TRPM6: variants seen among roughly 807,000 people sequenced by gnomAD.
TRPM6 encodes transient receptor potential cation channel subfamily M member 6.
In TRPM6, 111 loss-of-function variants were observed where a neutral mutation model predicts 247.6. The observed-to-expected ratio is 0.45, with a 90% CI of 0.38 to 0.52. The LOEUF (loss-of-function observed/expected upper bound fraction) is 0.52, where lower values mean the gene tolerates loss of function less well. TRPM6 is among the 20% of genes least tolerant of loss of function. The pLI is 0.00. For synonymous variants in TRPM6, 892 were observed against 853.8 expected, an observed-to-expected ratio of 1.04 and a Z score of -0.78; for missense variants, 2,126 against 2,421.5, an observed-to-expected ratio of 0.88 and a Z score of 2.56.
At chr9:74,730,742 G>A (rs755929692) in intron 37 of TRPM6, among the ~76,000 whole-genome samples, 10 of 152,146 alleles carry the variant, frequency 6.6e-5, no homozygotes, top group Non-Finnish European at 1.0e-4. Context: ...CTTCAGACAC[G>A]TAAGGCATTC....
At position 74,840,108 on chromosome 9, in the gene TRPM6, T is replaced by C; in HGVS notation, c.460A>G (p.Lys154Glu). The C allele has an allele frequency of 6.2e-7, 1 of 1,614,110 alleles. No individual in the cohort carries two copies. Among genetic ancestry groups the C allele is most frequent in the South Asian group, 1.1e-5 (1 of 91,078 alleles). Residue 154 changes from lysine to glutamate, a missense_variant, in exon 5 of 39, where the codon AAA becomes GAA. Physicochemically the swap from Lys to Glu is moderately conservative, Grantham distance 56 (BLOSUM62 1). Coordinates refer to ENST00000360774, the MANE Select transcript of TRPM6 (RefSeq NM_017662.5). ...CCTTGGCTGAAAATCTCTTTAAATTTAGAGGGCATAGTAAAGTTCTGGATG... is the reference window on the plus strand; with the variant it reads ...CCTTGGCTGAAAATCTCTTTAAATTCAGAGGGCATAGTAAAGTTCTGGATG... ...GGIQNFTMPS[K>E]FKEIFSQGLV...
chr9:74,728,892 T>C (rs936383557), intron 37 of TRPM6, among the ~76,000 whole-genome samples: 1 of 152,212 alleles, frequency 6.6e-6, no homozygotes, highest in Admixed American at 6.5e-5. Flanking sequence ...TGCAAACTGC[T>C]AGAGCTGGGC....
intron 25 of TRPM6, among the ~76,000 whole-genome samples, chr9:74,763,852 T>C (rs1165123230): frequency 2.0e-5 from 3 of 152,178 alleles, no homozygotes; most frequent in African/African-American, 2.4e-5. Flanking sequence ...TGCAAGTAAA[T>C]TGAATTAAAT....
chr9:74,745,701 G>A (rs1826022480), intron 31 of TRPM6, among the ~76,000 whole-genome samples: 1 of 152,180 alleles, frequency 6.6e-6, no homozygotes, highest in Non-Finnish European at 1.5e-5. Context: ...TTTAAGGAGA[G>A]TGTAGCCACA....
At chr9:74,885,568 G>C (rs553445258) in intron 1 of TRPM6, among the ~76,000 whole-genome samples, 15 of 152,298 alleles carry the variant, frequency 9.8e-5, no homozygotes, top group African/African-American at 3.6e-4. Flanking sequence ...AAGAAAAAAG[G>C]CACTAGTGAG....
chr9:74,803,039 T>C (rs1424562565), intron 15 of TRPM6, among the ~76,000 whole-genome samples: 1 of 152,186 alleles, frequency 6.6e-6, no homozygotes, highest in Non-Finnish European at 1.5e-5. Flanking sequence ...CAATAATTAC[T>C]CCTTTTAATT....
At chr9:74,769,945 G>A (rs577795081) in intron 25 of TRPM6, among the ~76,000 whole-genome samples, 1 of 152,240 alleles carries the variant, frequency 6.6e-6, no homozygotes, top group South Asian at 2.1e-4. Context: ...AAGCTTGCCC[G>A]TCGGACTCAA....
chr9:74,802,109 CAG>C lies in TRPM6; in HGVS notation c.1796_1797del (p.Pro599ArgfsTer11). The C allele has an allele frequency of 6.2e-7, 1 of 1,614,150 alleles. No homozygotes were observed. The highest frequency in any genetic ancestry group is 2.2e-5 in the East Asian group (1 of 44,874). ...KSKEQNVSDDPESTGFLYPYN... is the reference protein window; with the variant it reads ...KSKEQNVSDDXESTGFLYPYN... ...TAAGGGTAAAGAAAGCCAGTAGACT[CAG>C]GGTCATCTGATACATTTTGTTCTTT... On this transcript the variant is annotated frameshift_variant, in exon 16 of 39. Transcript: ENST00000360774. LOFTEE classifies it high-confidence loss of function.
rs368251330 is a variant in TRPM6, at chr9:74,739,351, G to T, written c.5570+16C>A. 1.9e-6 allele frequency: 3 copies of T among 1,610,706 alleles called. No individual in the cohort carries two copies. Among genetic ancestry groups the T allele is most frequent in the Non-Finnish European group, 8.5e-7 (1 of 1,176,946 alleles). ...CCTACTTGAAACAAAGGGCCAAGGTGCCAAGATTTTCTTACCTTGGTGTGT... is the reference window on the plus strand; with the variant it reads ...CCTACTTGAAACAAAGGGCCAAGGTTCCAAGATTTTCTTACCTTGGTGTGT... On this transcript the variant is annotated intron_variant, in intron 35 of 38. Coordinates refer to ENST00000360774, the MANE Select transcript of TRPM6 (RefSeq NM_017662.5).
intron 25 of TRPM6, among the ~76,000 whole-genome samples, chr9:74,771,420 C>T (rs955144519): frequency 4.0e-5 from 6 of 151,354 alleles, no homozygotes; most frequent in African/African-American, 1.5e-4. Context: ...TACACACATG[C>T]GCACACACAC....
At chr9:74,768,749 A>G (rs1273996607) in intron 25 of TRPM6, among the ~76,000 whole-genome samples, 2 of 152,236 alleles carry the variant, frequency 1.3e-5, no homozygotes, top group African/African-American at 4.8e-5. Flanking sequence ...GCACTGCACT[A>G]TTCTCTCAAA....
At chr9:74,782,253 T>C (rs1827489172) in intron 23 of TRPM6, 109 bp downstream of exon 23, 2 of 772,164 alleles carry the variant, frequency 2.6e-6, no homozygotes, top group Non-Finnish European at 4.4e-6. Context: ...ATAATAAATA[T>C]AGAACACACA....
At chr9:74,748,674 T>C (rs1826131008) in intron 30 of TRPM6, among the ~76,000 whole-genome samples, 1 of 152,218 alleles carries the variant, frequency 6.6e-6, no homozygotes, top group African/African-American at 2.4e-5. Flanking sequence ...AAGAACATAT[T>C]TTTGTACAAC....
intron 25 of TRPM6, among the ~76,000 whole-genome samples, chr9:74,768,356 T>C (rs1056872618): frequency 3.9e-5 from 6 of 152,194 alleles, no homozygotes; most frequent in African/African-American, 1.4e-4. Context: ...TTTCCTACAA[T>C]AGGCAGATGA....
At chr9:74,744,210 A>G in intron 31 of TRPM6, 65 bp from the exon 32 acceptor site, 3 of 1,505,536 alleles carry the variant, frequency 2.0e-6, no homozygotes, top group Non-Finnish European at 2.8e-6. Flanking sequence ...GTTTATGAAT[A>G]TATTGCCTTC....
chr9:74,750,576 T>C lies in TRPM6; in HGVS notation c.5057+88A>G, dbSNP rs964279006. The stretch of plus-strand genomic sequence containing the variant: ...TTGACACACACTTCTTTTCTCTCCC[T>C]TTCTGACTAAATTAAACCTTTGCTC... On this transcript the variant is annotated intron_variant, in intron 30 of 38. Transcript: ENST00000360774. The C allele has an allele frequency of 6.1e-6, 7 of 1,154,170 alleles. No individual in the cohort carries two copies. The African/African-American group carries it at 9.1e-5, about 15-fold the overall frequency. 71.5% of individuals were successfully genotyped at this position (1,154,170 alleles called of 1,614,324 possible). A position where few individuals can be genotyped will look rare whatever the true frequency, so the allele number is the denominator to read the frequency against.
intron 19 of TRPM6, among the ~76,000 whole-genome samples, chr9:74,791,061 C>T (rs189371501): frequency 1.9e-3 from 295 of 152,308 alleles, no homozygotes; most frequent in Middle Eastern, 3.4e-3. Context: ...TATTGCTTAG[C>T]TTTGTTCCTG....
chr9:74,790,001 G>C (rs1202053746), intron 19 of TRPM6, among the ~76,000 whole-genome samples: 1 of 105,898 alleles, frequency 9.4e-6, no homozygotes, highest in East Asian at 4.3e-4. Context: ...TCAGTTGAGA[G>C]AAAAATGTGT....
chr9:74,826,652 C>G (rs1829338912), intron 7 of TRPM6: 1 of 152,400 alleles, frequency 6.6e-6, no homozygotes, highest in Non-Finnish European at 1.5e-5. Context: ...ATAAAACTAC[C>G]AAAATGGCCC....
Sources: gnomAD v4.1 joint callset for allele counts (sites outside exome capture counted in the v4.1 genomes callset) on GRCh38, gnomAD v4.1.1 for gene constraint, MANE v1.5 for transcripts, NCBI Gene and HGNC (gene_info 2026-07-23, HGNC 2026-07-21) for gene names.